Variants in ST7 observed in about 807,000 individuals in gnomAD.
The protein encoded by ST7 is suppression of tumorigenicity 7.
Under a neutral mutation model 78.7 loss-of-function variants are expected in ST7, and 28 were observed. The ratio of observed to expected loss-of-function variants is 0.36; its 90% CI spans 0.26 to 0.49. The LOEUF (loss-of-function observed/expected upper bound fraction) is 0.49. ST7 is among the 20% of genes least tolerant of loss of function. The pLI is 0.99. For synonymous variants in ST7, 247 were observed against 249.6 expected (o/e 0.99, Z 0.10); for missense variants, 418 against 696.0 (o/e 0.60, Z 4.49).
At chr7:117,202,914 C>A (rs1811014842) in intron 12 of ST7, among the ~76,000 whole-genome samples, 1 of 152,306 alleles carries the variant, frequency 6.6e-6, no homozygotes, top group African/African-American at 2.4e-5. Context: ...GGACCCCTCA[C>A]ATATACCAAA....
chr7:117,020,732 C>A, intron 1 of ST7: 1 of 1,487,156 alleles, frequency 6.7e-7, no homozygotes, highest in East Asian at 2.5e-5. Flanking sequence ...CATTAACAAC[C>A]TTTGTATTTT....
chr7:117,072,386 A>AACAG (rs1425298306), intron 1 of ST7: 3 of 152,168 alleles, frequency 2.0e-5, no homozygotes, highest in Admixed American at 6.5e-5. Flanking sequence ...CAAACAAACA[A>AACAG]ACAAGAAATT....
intron 12 of ST7, among the ~76,000 whole-genome samples, chr7:117,196,080 C>T (rs1810278871): frequency 6.6e-6 from 1 of 152,140 alleles, no homozygotes; most frequent in Non-Finnish European, 1.5e-5. Flanking sequence ...GTGTTCTAGC[C>T]ACCATATGAC....
intron 1 of ST7, chr7:117,076,700 G>GC (rs1327222580): frequency 6.6e-6 from 1 of 152,496 alleles, no homozygotes; most frequent in East Asian, 1.9e-4. Flanking sequence ...ACTGGTAGGA[G>GC]CGAACTCTGT....
At chr7:116,972,132 G>T in intron 1 of ST7, 1 of 552,848 alleles carries the variant, frequency 1.8e-6, no homozygotes, top group South Asian at 1.4e-5. Flanking sequence ...CAGGGTCAGA[G>T]GGAGGAGCAG....
At chr7:117,120,697 C>G (rs570661984) in intron 3 of ST7, among the ~76,000 whole-genome samples, 1 of 152,310 alleles carries the variant, frequency 6.6e-6, no homozygotes, top group South Asian at 2.1e-4. Flanking sequence ...TATCTCTCTA[C>G]TTCTGTTAAT....
At chr7:117,138,816 T>C (rs1325330629) in intron 9 of ST7, among the ~76,000 whole-genome samples, 1 of 152,184 alleles carries the variant, frequency 6.6e-6, no homozygotes, top group Non-Finnish European at 1.5e-5. Flanking sequence ...AGATAATACA[T>C]ACAAGCTTCT....
rs561867656 is a variant in ST7, at chr7:117,104,894, G to A, written c.234+5050G>A. 2.0e-5 allele frequency among the ~76,000 whole-genome samples: 3 copies of A among 152,260 alleles called. 1 individual carries two copies. In the South Asian group the frequency reaches 6.2e-4, roughly 32 times the overall value. ...AACGTGCACAGGAGAACTACAGAGT[G>A]ATTACCCAATATCTCAGTGGGGTTA... On this transcript the variant is annotated intron_variant, in intron 2 of 15. Coordinates refer to ENST00000323984, the MANE Select transcript of ST7 (RefSeq NM_001369598.1).
chr7:117,108,475 G>C (rs569071398), intron 2 of ST7, among the ~76,000 whole-genome samples: 110 of 152,262 alleles, frequency 7.2e-4, no homozygotes, highest in Middle Eastern at 6.8e-3. Flanking sequence ...CTAGTACCAA[G>C]CTGTTTTGGT....
chr7:116,960,519 C>A (rs188332572), intron 1 of ST7, among the ~76,000 whole-genome samples: 2 of 152,176 alleles, frequency 1.3e-5, no homozygotes, highest in African/African-American at 4.8e-5. Flanking sequence ...CTAATCACTT[C>A]GAGTTACAAT....
rs1344686227 is a variant in ST7, at chr7:116,953,683, T to C, written c.143T>C (p.Leu48Ser). The C allele has an allele frequency of 6.7e-7, 1 of 1,486,756 alleles. No homozygotes were observed. The allele number at this position is 1,486,756 out of a possible 1,614,324, so 92.1% of individuals were successfully genotyped here. The change falls in exon 1 of 16, where the codon TTG becomes TCG. Residue 48 changes from leucine to serine, a missense_variant. Transcript: ENST00000323984. ...LRVPLKINDNLSTVSMFLNTL... is the reference protein window; with the variant it reads ...LRVPLKINDNSSTVSMFLNTL... ...GTGCCTTTGAAAATCAACGACAACT[T>C]GAGCACAGGTAAGGCCTGGGAGCCG...
chr7:117,207,176 G>A (rs1791840605), intron 12 of ST7, among the ~76,000 whole-genome samples: 1 of 149,644 alleles, frequency 6.7e-6, no homozygotes, highest in South Asian at 2.1e-4. Context: ...GCGGAGTCTT[G>A]CTGTGTTGCC....
At chr7:117,146,706 A>C (rs1805819041) in intron 9 of ST7, among the ~76,000 whole-genome samples, 1 of 152,222 alleles carries the variant, frequency 6.6e-6, no homozygotes. Context: ...GCAGTACAAG[A>C]AAAAAGAGAA....
intron 1 of ST7, among the ~76,000 whole-genome samples, chr7:116,979,712 A>G (rs542692878): frequency 1.3e-5 from 2 of 151,970 alleles, no homozygotes; most frequent in Admixed American, 6.6e-5. Flanking sequence ...AATCTCTCCT[A>G]ATCTATCCTA....
chr7:117,008,996 A>G (rs987941676), intron 1 of ST7, among the ~76,000 whole-genome samples: 5 of 152,202 alleles, frequency 3.3e-5, no homozygotes, highest in Admixed American at 1.3e-4. Context: ...GAACATGGCT[A>G]CATTAATTTA....
chr7:117,001,241 A>G (rs1237857287), intron 1 of ST7, among the ~76,000 whole-genome samples: 9 of 152,358 alleles, frequency 5.9e-5, no homozygotes, highest in African/African-American at 2.2e-4. Context: ...GCCTGCCTCC[A>G]CTTTAAAAGA....
chr7:117,052,292 T>C (rs2116375247), intron 1 of ST7, among the ~76,000 whole-genome samples: 1 of 152,350 alleles, frequency 6.6e-6, no homozygotes, highest in Non-Finnish European at 1.5e-5. Flanking sequence ...CTCCAGGACC[T>C]GTTGTACTAG....
In ST7 at chr7:116,998,898, C is replaced by T. The variant is rs138649128; in HGVS notation, c.151+45207C>T. Reference sequence around the variant, plus strand: ...CTGAGACCTAAAGAATGAGAACAAGCTATCTCTCTGCACTATCAGGGGAAG... The same window carrying T: ...CTGAGACCTAAAGAATGAGAACAAGTTATCTCTCTGCACTATCAGGGGAAG... On this transcript the variant is annotated intron_variant, in intron 1 of 15. Transcript: ENST00000323984. Among the ~76,000 whole-genome samples, 192 of 152,326 alleles carry T rather than the reference C, an allele frequency of 1.3e-3. 1 individual carries two copies. The highest frequency in any genetic ancestry group is 1.9e-3 in the Non-Finnish European group (129 of 68,020).
intron 1 of ST7, among the ~76,000 whole-genome samples, chr7:116,966,860 C>T (rs1387072601): frequency 6.6e-6 from 1 of 152,196 alleles, no homozygotes; most frequent in Non-Finnish European, 1.5e-5. Flanking sequence ...TTCTTAGAGG[C>T]ACTGGAGAAC....
Sources: allele counts gnomAD v4.1 joint callset (sites outside exome capture counted in the v4.1 genomes callset), GRCh38; gene constraint gnomAD v4.1.1; transcripts MANE v1.5; gene names NCBI Gene and HGNC (gene_info 2026-07-23, HGNC 2026-07-21).